GPR137C: variants seen among roughly 807,000 people sequenced by gnomAD.
GPR137C encodes the protein G protein-coupled receptor 137C, also known as integral membrane protein GPR137C.
A neutral mutation model predicts 43.4 loss-of-function variants in GPR137C; 27 were observed. That is an observed-to-expected ratio of 0.62 (90% CI 0.46 to 0.86). The LOEUF (loss-of-function observed/expected upper bound fraction) is 0.86. Among genes scored for constraint, GPR137C ranks in the 40% least tolerant of loss-of-function variants. GPR137C has a pLI of 0.00. For synonymous variants in GPR137C, 285 were observed against 226.9 expected (o/e 1.26, Z -2.30); for missense variants, 522 against 534.6 (o/e 0.98, Z 0.23).
chr14:52,574,082 A>G (rs905188273), intron 1 of GPR137C, among the ~76,000 whole-genome samples: 3 of 152,190 alleles, frequency 2.0e-5, no homozygotes, highest in Non-Finnish European at 2.9e-5. Flanking sequence ...GATGCTGGAG[A>G]GCATGTGGAG....
rs1461324757 is a variant in GPR137C, at chr14:52,574,809, A to G, written c.444+21218A>G. Reference sequence around the variant, plus strand: ...GATACATTCTGCTCCTTTTTCCCCCACCATTATTAGATCTATTTCCTTTGG... The same window carrying G: ...GATACATTCTGCTCCTTTTTCCCCCGCCATTATTAGATCTATTTCCTTTGG... On this transcript the variant is annotated intron_variant, in intron 1 of 6. Transcript: ENST00000321662. 2.6e-5 allele frequency among the ~76,000 whole-genome samples: 4 copies of G among 152,060 alleles called. No individual in the cohort carries two copies. In the East Asian group the frequency reaches 5.8e-4, roughly 22 times the overall value.
intron 1 of GPR137C, among the ~76,000 whole-genome samples, chr14:52,589,573 T>G (rs893944823): frequency 1.3e-5 from 2 of 152,172 alleles, no homozygotes; most frequent in African/African-American, 4.8e-5. Context: ...CATCTATGAC[T>G]TAATATAAGT....
chr14:52,562,879 G>A (rs1002486927), intron 1 of GPR137C, among the ~76,000 whole-genome samples: 3 of 152,100 alleles, frequency 2.0e-5, no homozygotes, highest in African/African-American at 7.2e-5. Flanking sequence ...CTTAAGAGTA[G>A]TAAAATAGAA....
intron 3 of GPR137C, among the ~76,000 whole-genome samples, chr14:52,601,736 A>G (rs901922983): frequency 1.3e-5 from 2 of 152,026 alleles, no homozygotes; most frequent in African/African-American, 4.8e-5. Flanking sequence ...TAATAACATC[A>G]CTATAGAATT....
chr14:52,630,567 A>T (rs1473704338), intron 3 of GPR137C, among the ~76,000 whole-genome samples: 1 of 152,138 alleles, frequency 6.6e-6, no homozygotes, highest in Non-Finnish European at 1.5e-5. Context: ...GTAGTGTGTT[A>T]GCTCAAAGAA....
chr14:52,617,390 G>A (rs1454252755), intron 3 of GPR137C, among the ~76,000 whole-genome samples: 1 of 151,626 alleles, frequency 6.6e-6, no homozygotes, highest in Non-Finnish European at 1.5e-5. Flanking sequence ...ATTAAAAGAT[G>A]GAAACTGGCC....
chr14:52,558,698 AATT>A (rs2038232526), intron 1 of GPR137C, among the ~76,000 whole-genome samples: 1 of 150,936 alleles, frequency 6.6e-6, no homozygotes, highest in Non-Finnish European at 1.5e-5. Flanking sequence ...AGTACACAAT[AATT>A]AATCATTTAT....
At chr14:52,573,431 CA>C (rs2038502490) in intron 1 of GPR137C, among the ~76,000 whole-genome samples, 2 of 152,124 alleles carry the variant, frequency 1.3e-5, no homozygotes, top group South Asian at 4.1e-4. Context: ...TGTCTACAAC[CA>C]TCTGATCTTT....
intron 1 of GPR137C, among the ~76,000 whole-genome samples, chr14:52,568,967 A>G (rs1213786794): frequency 2.6e-5 from 4 of 152,230 alleles, no homozygotes; most frequent in South Asian, 2.1e-4. Flanking sequence ...TGCCTCCTCA[A>G]TTGGGTCCCT....
chr14:52,597,823 T>C (rs915126319), intron 1 of GPR137C, among the ~76,000 whole-genome samples: 1 of 152,226 alleles, frequency 6.6e-6, no homozygotes, highest in Admixed American at 6.5e-5. Flanking sequence ...GTGTTCACTT[T>C]TGGTACCTCA....
Position 52,629,580 on chromosome 14 carries a change from A to G in GPR137C, c.718-2580A>G, listed in dbSNP as rs74760115. Among the ~76,000 whole-genome samples the G allele has an allele frequency of 4.2e-3, 646 of 152,316 alleles. 10 individuals are homozygous for G. Among genetic ancestry groups the G allele is most frequent in the Admixed American group, 0.035 (534 of 15,304 alleles). On this transcript the variant is annotated intron_variant, in intron 3 of 6. Transcript: ENST00000321662. ...TCAGAAACATTCTGCAGAGTGAATG[A>G]AACATACAAGAGTTCATATTCTATG...
chr14:52,576,360 A>G (rs2038552040), intron 1 of GPR137C, among the ~76,000 whole-genome samples: 1 of 152,180 alleles, frequency 6.6e-6, no homozygotes, highest in African/African-American at 2.4e-5. Flanking sequence ...TTTTAATCTA[A>G]TCATCCATTG....
intron 1 of GPR137C, among the ~76,000 whole-genome samples, chr14:52,563,129 C>T (rs1406563285): frequency 1.3e-5 from 2 of 152,074 alleles, no homozygotes; most frequent in Non-Finnish European, 2.9e-5. Flanking sequence ...CAGCAATTGA[C>T]CCCCCATATC....
chr14:52,583,833 T>A (rs1277024219), intron 1 of GPR137C, among the ~76,000 whole-genome samples: 1 of 152,224 alleles, frequency 6.6e-6, no homozygotes, highest in Non-Finnish European at 1.5e-5. Context: ...ACCCATCTAA[T>A]GTCTCAATTC....
At chr14:52,597,169 G>T (rs112421922) in intron 1 of GPR137C, among the ~76,000 whole-genome samples, 268 of 152,274 alleles carry the variant, frequency 1.8e-3, no homozygotes, top group African/African-American at 6.2e-3. Flanking sequence ...GCTCCAGACA[G>T]TTTTTCCCCT....
intron 3 of GPR137C, among the ~76,000 whole-genome samples, chr14:52,602,189 T>C (rs1186918351): frequency 1.3e-5 from 2 of 151,882 alleles, no homozygotes; most frequent in African/African-American, 4.8e-5. Context: ...TGTTCTTGTA[T>C]AATCACTAGA....
In GPR137C at chr14:52,601,664, T is replaced by C. The variant is rs142425103; in HGVS notation, c.717+1323T>C. Among the ~76,000 whole-genome samples the C allele has an allele frequency of 1.1e-3, 170 of 152,166 alleles. 1 individual carries two copies. The highest frequency in any genetic ancestry group is 3.9e-3 in the African/African-American group (160 of 41,554). ...CAGGCTTTGGTTTGACTGTTAAAAA[T>C]AATACTGTCACTGTTACAGTCCATA... On this transcript the variant is annotated intron_variant, in intron 3 of 6. Coordinates refer to ENST00000321662, the MANE Select transcript of GPR137C (RefSeq NM_001099652.2).
intron 3 of GPR137C, among the ~76,000 whole-genome samples, chr14:52,609,355 G>A (rs752663709): frequency 6.6e-6 from 1 of 152,120 alleles, no homozygotes; most frequent in Non-Finnish European, 1.5e-5. Context: ...CCTTAAAACA[G>A]CTATTTAAAA....
At chr14:52,603,917 C>G (rs1217869443) in intron 3 of GPR137C, among the ~76,000 whole-genome samples, 1 of 152,144 alleles carries the variant, frequency 6.6e-6, no homozygotes, top group Non-Finnish European at 1.5e-5. Flanking sequence ...CTCTGCATCT[C>G]TGCCAGCACT....
Sources: allele counts gnomAD v4.1 joint callset (sites outside exome capture counted in the v4.1 genomes callset), GRCh38; gene constraint gnomAD v4.1.1; transcripts MANE v1.5; gene names NCBI Gene and HGNC (gene_info 2026-07-23, HGNC 2026-07-21).